FGF13: variants seen among roughly 807,000 people sequenced by gnomAD.
FGF13 encodes fibroblast growth factor 13.
FGF13 carries 2 observed loss-of-function variants against 19.5 expected under a neutral mutation model. The ratio of observed to expected loss-of-function variants is 0.10; its 90% CI spans 0.04 to 0.32. FGF13 has a LOEUF of 0.32. FGF13 is among the 10% of genes least tolerant of loss of function. FGF13 has a pLI of 1.00. For missense variants in FGF13, 113 were observed against 192.7 expected (o/e 0.59, Z 2.45); for synonymous variants, 72 against 76.9 (o/e 0.94, Z 0.33).
intron 1 of FGF13, among the ~76,000 whole-genome samples, chrX:138,721,226 A>G (rs964224339): frequency 3.5e-4 from 39 of 112,000 alleles, no homozygotes; most frequent in African/African-American, 1.3e-3. Context: ...CAGTCAATAA[A>G]TAATTTTTAT....
At chrX:139,069,259 T>G (rs1473941259) in intron 1 of FGF13, among the ~76,000 whole-genome samples, 7 of 69,595 alleles carry the variant, frequency 1.0e-4, no homozygotes, top group Admixed American at 1.9e-4. Flanking sequence ...GTGGCACATA[T>G]ACACCATGGA....
chrX:139,097,577 G>A (rs2083478624), intron 1 of FGF13, among the ~76,000 whole-genome samples: 1 of 111,668 alleles, frequency 9.0e-6, no homozygotes, highest in Admixed American at 9.5e-5. Context: ...AAAGGAGAGA[G>A]AAAAATAAAT....
intron 1 of FGF13, among the ~76,000 whole-genome samples, chrX:138,895,418 A>G (rs1432875534): frequency 8.9e-6 from 1 of 111,957 alleles, no homozygotes; most frequent in Non-Finnish European, 1.9e-5. Context: ...TCAAATAGAC[A>G]TTTTCCCAAA....
upstream of FGF13, among the ~76,000 whole-genome samples, chrX:138,742,139 A>T (rs1209933978): frequency 1.8e-5 from 2 of 111,925 alleles, no homozygotes; most frequent in African/African-American, 6.5e-5. Flanking sequence ...GTAGCCAACA[A>T]CATCTATCAC....
chrX:138,787,593 C>G (rs972872997), intron 3 of FGF13, among the ~76,000 whole-genome samples: 2 of 111,517 alleles, frequency 1.8e-5, no homozygotes, highest in Admixed American at 9.5e-5. Flanking sequence ...ACAGAATGTG[C>G]AGGTTTGTTA....
At chrX:138,736,304 C>T (rs895962550) in intron 1 of FGF13, among the ~76,000 whole-genome samples, 9 of 112,073 alleles carry the variant, frequency 8.0e-5, no homozygotes, top group African/African-American at 2.6e-4. Context: ...TATAGACTAC[C>T]GCTATACATT....
intron 1 of FGF13, among the ~76,000 whole-genome samples, chrX:139,153,320 T>C (rs1603223877): frequency 9.3e-6 from 1 of 108,103 alleles, no homozygotes; most frequent in Non-Finnish European, 1.9e-5. Context: ...TCAACCACTA[T>C]TGCCAGTACC....
At chrX:139,039,062 G>A (rs112802501) in intron 1 of FGF13, among the ~76,000 whole-genome samples, 6 of 112,396 alleles carry the variant, frequency 5.3e-5, no homozygotes, top group African/African-American at 1.9e-4. Flanking sequence ...GCTTGGAACA[G>A]AGATTTGAAA....
intron 1 of FGF13, among the ~76,000 whole-genome samples, chrX:139,190,552 C>T (rs183670357): frequency 1.2e-4 from 13 of 111,701 alleles, no homozygotes; most frequent in African/African-American, 4.2e-4. Flanking sequence ...CATTGCCTCT[C>T]TGTGGGCCTA....
At chrX:138,917,900 T>A (rs2091625372) in intron 1 of FGF13, among the ~76,000 whole-genome samples, 2 of 111,337 alleles carry the variant, frequency 1.8e-5, no homozygotes, top group Non-Finnish European at 3.8e-5. Flanking sequence ...AGGAATTGAC[T>A]CGAAAGGAGG....
chrX:138,909,934 CA>C (rs994986589), intron 1 of FGF13, among the ~76,000 whole-genome samples: 14 of 108,443 alleles, frequency 1.3e-4, no homozygotes, highest in African/African-American at 4.0e-4. Context: ...AACACAGGAG[CA>C]AAAAAAAATT....
chrX:138,822,170 C>A (rs182425839), intron 3 of FGF13, among the ~76,000 whole-genome samples: 35 of 112,084 alleles, frequency 3.1e-4, no homozygotes, highest in Admixed American at 2.9e-3. Context: ...TTTATCTCCT[C>A]CTGCAGAAAT....
rs183592220 is a variant in FGF13 at position 138,944,484 on chromosome X, C to G, written c.-112-79834G>C. ...CTGACCAGATTCTCTACTGAGAGAT[C>G]ATTAATGGCTCTGAGCAAAAAAAAA... On this transcript the variant is annotated intron_variant, in intron 1 of 2. Transcript: ENST00000421460. Among the ~76,000 whole-genome samples, 7 of 88,523 alleles carry G rather than the reference C, an allele frequency of 7.9e-5. No homozygotes were observed. The East Asian group carries it at 2.6e-3, about 32-fold the overall frequency. The allele number at this position is 88,523 out of a possible 115,157, so 76.9% of individuals were successfully genotyped here.
intron 1 of FGF13, among the ~76,000 whole-genome samples, chrX:139,055,837 T>C (rs2092319314): frequency 8.9e-6 from 1 of 112,555 alleles, no homozygotes; most frequent in Non-Finnish European, 1.9e-5. Flanking sequence ...CTAGCAGAAT[T>C]CATGTTGCTG....
chrX:138,850,839 T>C (rs1427488628), intron 3 of FGF13, among the ~76,000 whole-genome samples: 1 of 111,808 alleles, frequency 8.9e-6, no homozygotes, highest in Non-Finnish European at 1.9e-5. Context: ...ATCACCGAAA[T>C]ATTAAGCCCA....
upstream of FGF13, among the ~76,000 whole-genome samples, chrX:138,743,974 C>T (rs764775622): frequency 1.8e-5 from 2 of 110,945 alleles, no homozygotes; most frequent in African/African-American, 3.3e-5. Context: ...TTGTGTTCCT[C>T]CTCCTCCTCC....
rs2083707907 is a variant in FGF13 at position 139,125,349 on chromosome X, C to A, written c.-113+78067G>T. 2.7e-5 allele frequency among the ~76,000 whole-genome samples: 3 copies of A among 112,205 alleles called. No individual in the cohort carries two copies. In the South Asian group the frequency reaches 1.1e-3, roughly 42 times the overall value. On this transcript the variant is annotated intron_variant, in intron 1 of 2. Coordinates refer to the FGF13 transcript ENST00000421460. ...TTTGGCAATAAAAAGACGTTCAGCT[C>A]TTTCTCAGCTTGCAAAATTATGGAT...
intron 3 of FGF13, among the ~76,000 whole-genome samples, chrX:138,661,081 T>C (rs770433344): frequency 9.0e-5 from 10 of 111,402 alleles, no homozygotes; most frequent in Non-Finnish European, 1.5e-4. Context: ...CCTCATTCAC[T>C]AGAGGAGTTA....
intron 3 of FGF13, among the ~76,000 whole-genome samples, chrX:138,679,120 A>G: frequency 8.9e-6 from 1 of 112,074 alleles, no homozygotes; most frequent in Middle Eastern, 4.7e-3. Flanking sequence ...TCAATCACCC[A>G]GGCTACAGTG....
Sources: allele counts gnomAD v4.1 joint callset (sites outside exome capture counted in the v4.1 genomes callset), GRCh38; gene constraint gnomAD v4.1.1; transcripts MANE v1.5; gene names NCBI Gene and HGNC (gene_info 2026-07-23, HGNC 2026-07-21).